The following ADK variants were observed in gnomAD, a reference collection of about 807,000 sequenced individuals.
ADK encodes N6,N6-dimethyladenosine kinase.
Under a neutral mutation model 44.7 loss-of-function variants are expected in ADK, and 24 were observed. The observed-to-expected ratio is 0.54, with a 90% CI of 0.39 to 0.76. ADK has a LOEUF of 0.76. Ranked by LOEUF, ADK falls within the 30% of genes least tolerant of loss-of-function variation. The pLI, the probability that ADK is intolerant of heterozygous loss-of-function variation, is 0.00. For missense variants in ADK, 321 were observed against 425.1 expected (o/e 0.76, Z 2.15); for synonymous variants, 128 against 142.6 (o/e 0.90, Z 0.73).
chr10:74,304,566 A>T (rs922142022), intron 3 of ADK, among the ~76,000 whole-genome samples: 2 of 152,354 alleles, frequency 1.3e-5, no homozygotes, highest in Non-Finnish European at 2.9e-5. Context: ...CAAGATAAAT[A>T]ATTTCATCAG....
chr10:74,519,733 G>A (rs1188519054), intron 6 of ADK, among the ~76,000 whole-genome samples: 1 of 151,684 alleles, frequency 6.6e-6, no homozygotes, highest in African/African-American at 2.4e-5. Flanking sequence ...CTCTTTCAAT[G>A]GAATACTTTT....
At chr10:74,314,316 A>G (rs951956981) in intron 3 of ADK, among the ~76,000 whole-genome samples, 1 of 152,068 alleles carries the variant, frequency 6.6e-6, no homozygotes, top group Admixed American at 6.6e-5. Flanking sequence ...GTTTGTAGTA[A>G]CAAGTGATTC....
chr10:74,220,035 G>A (rs972169240), intron 2 of ADK, among the ~76,000 whole-genome samples: 3 of 151,230 alleles, frequency 2.0e-5, no homozygotes, highest in African/African-American at 4.9e-5. Flanking sequence ...AGAACTGAAG[G>A]AAATAGAGAC....
intron 3 of ADK, among the ~76,000 whole-genome samples, chr10:74,242,117 A>G (rs1004222772): frequency 3.9e-5 from 6 of 152,252 alleles, no homozygotes; most frequent in Admixed American, 2.0e-4. Context: ...AGTACATCGT[A>G]ATTTTAGGGC....
chr10:74,302,112 T>TGTTTG (rs1422577739), intron 3 of ADK, among the ~76,000 whole-genome samples: 1 of 39,464 alleles, frequency 2.5e-5, no homozygotes, highest in African/African-American at 7.3e-5. Context: ...TTTGTTTGTT[T>TGTTTG]TTTTTTTTTT....
intron 9 of ADK, among the ~76,000 whole-genome samples, chr10:74,666,729 G>A (rs1230623594): frequency 2.6e-5 from 4 of 151,626 alleles, no homozygotes; most frequent in Non-Finnish European, 5.9e-5. Context: ...ACCTGTAAGT[G>A]TATATTCAGA....
At chr10:74,541,324 T>C (rs1337455218) in intron 7 of ADK, among the ~76,000 whole-genome samples, 1 of 152,174 alleles carries the variant, frequency 6.6e-6, no homozygotes, top group Admixed American at 6.5e-5. Context: ...TTAACATTAA[T>C]TTTTTTAGTT....
At chr10:74,408,680 A>G (rs1011667181) in intron 6 of ADK, among the ~76,000 whole-genome samples, 1 of 152,206 alleles carries the variant, frequency 6.6e-6, no homozygotes, top group Non-Finnish European at 1.5e-5. Context: ...ATTAACACGT[A>G]TTTTGTATAT....
chr10:74,586,583 G>A (rs759815963), intron 7 of ADK, among the ~76,000 whole-genome samples: 1 of 152,112 alleles, frequency 6.6e-6, no homozygotes, highest in Non-Finnish European at 1.5e-5. Flanking sequence ...GCTGGGCATA[G>A]TAACTCATAC....
intron 6 of ADK, among the ~76,000 whole-genome samples, chr10:74,523,141 C>T (rs1334582780): frequency 6.6e-6 from 1 of 152,140 alleles, no homozygotes; most frequent in Non-Finnish European, 1.5e-5. Context: ...ACTAATATGT[C>T]CACCTCATAG....
At chr10:74,655,321 G>C in intron 9 of ADK, 1 of 428,222 alleles carries the variant, frequency 2.3e-6, no homozygotes, top group South Asian at 2.0e-5. Flanking sequence ...AAAGGAACTG[G>C]AATAAGAAAG....
intron 9 of ADK, among the ~76,000 whole-genome samples, chr10:74,636,690 G>T (rs1435096132): frequency 6.6e-6 from 1 of 152,058 alleles, no homozygotes; most frequent in Non-Finnish European, 1.5e-5. Flanking sequence ...GTTGTAATAA[G>T]AACTATAATA....
Position 74,372,375 on chromosome 10 carries a change from C to A in ADK, c.274-21766C>A. On this transcript the variant is annotated intron_variant, in intron 4 of 10. Transcript: ENST00000539909. ...AGGCTGGTCCACAGCTCCCAATGCT[C>A]AGGCCATTGAATGGGTAGGAGCAAA... is the stretch of plus-strand genomic sequence containing the variant. 3 of 736,366 alleles carry A rather than the reference C, an allele frequency of 4.1e-6. No homozygotes were observed. The South Asian group carries it at 4.1e-5, about 10-fold the overall frequency. The allele number at this position is 736,366 out of a possible 1,614,324, so 45.6% of individuals were successfully genotyped here.
intron 6 of ADK, among the ~76,000 whole-genome samples, chr10:74,424,169 C>A (rs1043466568): frequency 3.3e-5 from 5 of 152,212 alleles, no homozygotes; most frequent in East Asian, 1.9e-4. Context: ...TCTCTCCCCC[C>A]ACCCCTGGTG....
chr10:74,291,204 C>T (rs1175199949), intron 3 of ADK, among the ~76,000 whole-genome samples: 1 of 152,094 alleles, frequency 6.6e-6, no homozygotes, highest in Non-Finnish European at 1.5e-5. Context: ...ATCACGAGGT[C>T]AGGAAATCAA....
At chr10:74,633,279 A>G (rs1399555852) in intron 9 of ADK, among the ~76,000 whole-genome samples, 2 of 152,164 alleles carry the variant, frequency 1.3e-5, no homozygotes, top group Non-Finnish European at 2.9e-5. Flanking sequence ...TTTTTGCTTA[A>G]TATATCTTAG....
In ADK at chr10:74,230,218, T is replaced by C. The variant is rs751602431; in HGVS notation, c.194+5627T>C. Among the ~76,000 whole-genome samples, 15 of 152,140 alleles carry C rather than the reference T, an allele frequency of 9.9e-5. No homozygotes were observed. The South Asian group carries it at 1.5e-3, about 15-fold the overall frequency. On this transcript the variant is annotated intron_variant, in intron 3 of 10. Coordinates refer to ENST00000539909, the MANE Select transcript of ADK (RefSeq NM_006721.4). ...TAAATAAGGTACAGTTTTAAAAATA[T>C]CATAAACATTTTTATGATCCTATTC...
At chr10:74,310,605 G>C (rs1840400860) in intron 3 of ADK, among the ~76,000 whole-genome samples, 1 of 152,164 alleles carries the variant, frequency 6.6e-6, no homozygotes, top group African/African-American at 2.4e-5. Flanking sequence ...CAGGTGGTCT[G>C]CTTCTCTTTA....
intron 1 of ADK, among the ~76,000 whole-genome samples, chr10:74,185,842 GA>G (rs71021593): frequency 0.36 from 23,515 of 65,990 alleles, 2,482 homozygotes; most frequent in East Asian, 0.54. Flanking sequence ...GTCTCAAAAA[GA>G]AAAAAAAAAA....
Sources: gnomAD v4.1 joint callset for allele counts (sites outside exome capture counted in the v4.1 genomes callset) on GRCh38, gnomAD v4.1.1 for gene constraint, MANE v1.5 for transcripts, NCBI Gene and HGNC (gene_info 2026-07-23, HGNC 2026-07-21) for gene names.